The following ACTR3C variants were observed in gnomAD, a reference collection of about 807,000 sequenced individuals.
ACTR3C encodes the protein actin-related protein 3C.
ACTR3C carries 18 observed loss-of-function variants against 26.3 expected under a neutral mutation model. The observed-to-expected ratio is 0.68, with a 90% confidence interval of 0.47 to 1.01. The LOEUF (loss-of-function observed/expected upper bound fraction) is 1.01. Among genes scored for constraint, ACTR3C ranks in the 50% least tolerant of loss-of-function variants. ACTR3C has a pLI of 0.00. For missense variants in ACTR3C, 184 were observed against 250.7 expected (o/e 0.73, Z 1.80); for synonymous variants, 55 against 94.5 (o/e 0.58, Z 2.42).
the ACTR3C span, among the ~76,000 whole-genome samples, chr7:150,217,032 G>GC: frequency 5.4e-4 from 80 of 147,292 alleles, no homozygotes; most frequent in African/African-American, 2.0e-3. Context: ...TAAAGCACAT[G>GC]CCTCCCCTTA....
At chr7:150,185,527 A>T in the ACTR3C span, among the ~76,000 whole-genome samples, 1 of 152,168 alleles carries the variant, frequency 6.6e-6, no homozygotes, top group African/African-American at 2.4e-5. Flanking sequence ...GGAATGATAC[A>T]CTGTGATTCT....
intron 1 of ACTR3C, among the ~76,000 whole-genome samples, chr7:150,304,927 G>A (rs1278679395): frequency 9.2e-5 from 14 of 152,150 alleles, no homozygotes; most frequent in Admixed American, 2.6e-4. Flanking sequence ...TGTCTGCCCG[G>A]GCTCCTTAAC....
chr7:150,015,831 G>A, the ACTR3C span, among the ~76,000 whole-genome samples: 34 of 152,346 alleles, frequency 2.2e-4, no homozygotes, highest in African/African-American at 6.3e-4. Context: ...AGGAAAGGGT[G>A]ACTACATGTC....
At chr7:149,915,167 C>T in the ACTR3C span, among the ~76,000 whole-genome samples, 8 of 151,990 alleles carry the variant, frequency 5.3e-5, no homozygotes, top group South Asian at 2.1e-4. Context: ...TGAGCCACCG[C>T]GCATGGCAAA....
the ACTR3C span, among the ~76,000 whole-genome samples, chr7:150,130,210 T>C: frequency 6.6e-6 from 1 of 152,168 alleles, no homozygotes; most frequent in Admixed American, 6.5e-5. Flanking sequence ...AAATTAAAAC[T>C]ATAAAATTTC....
At chr7:149,975,624 C>T in the ACTR3C span, among the ~76,000 whole-genome samples, 1 of 152,122 alleles carries the variant, frequency 6.6e-6, no homozygotes, top group Non-Finnish European at 1.5e-5. Flanking sequence ...CGTTCTCATG[C>T]TGCTATGAAG....
At chr7:149,887,939 C>T in the ACTR3C span, among the ~76,000 whole-genome samples, 15 of 152,296 alleles carry the variant, frequency 9.8e-5, no homozygotes, top group Admixed American at 7.2e-4. Flanking sequence ...TGCCTTTTGC[C>T]TCCTGCCATG....
chr7:149,906,643 G>A, the ACTR3C span, among the ~76,000 whole-genome samples: 131 of 145,570 alleles, frequency 9.0e-4, 1 homozygote, highest in Non-Finnish European at 1.4e-3. Flanking sequence ...TTTTGGCCAG[G>A]CTGGTCTCAA....
At chr7:150,010,304 G>T in the ACTR3C span, among the ~76,000 whole-genome samples, 2 of 152,170 alleles carry the variant, frequency 1.3e-5, no homozygotes, top group South Asian at 2.1e-4. Flanking sequence ...ATTCTCAGCA[G>T]CCACATCCCA....
chr7:150,066,149 CATACACACACACAA>C, the ACTR3C span, among the ~76,000 whole-genome samples: 6 of 152,172 alleles, frequency 3.9e-5, no homozygotes, highest in Non-Finnish European at 1.5e-5. Context: ...CATACACACA[CATACACACACACAA>C]AGGAAGGAAA....
chr7:150,313,846 A>G (rs562293945), intron 1 of ACTR3C, among the ~76,000 whole-genome samples: 2 of 152,254 alleles, frequency 1.3e-5, no homozygotes, highest in East Asian at 1.9e-4. Context: ...CTACCTGGAG[A>G]CCTGCCTGGA....
At chr7:149,911,166 C>A in the ACTR3C span, among the ~76,000 whole-genome samples, 1 of 151,582 alleles carries the variant, frequency 6.6e-6, no homozygotes, top group East Asian at 1.9e-4. Flanking sequence ...CAGATCCTTC[C>A]CAATTTTAAC....
chr7:149,883,766 A>G, the ACTR3C span, among the ~76,000 whole-genome samples: 1 of 152,158 alleles, frequency 6.6e-6, no homozygotes, highest in South Asian at 2.1e-4. Context: ...CCCTTCAGGA[A>G]TATTTCATAG....
the ACTR3C span, among the ~76,000 whole-genome samples, chr7:150,031,726 G>A: frequency 1.3e-5 from 2 of 152,092 alleles, no homozygotes; most frequent in Middle Eastern, 3.2e-3. Flanking sequence ...TTCTGCTCTC[G>A]GGGGTGGGGG....
chr7:149,948,457 G>A, the ACTR3C span, among the ~76,000 whole-genome samples: 5 of 150,852 alleles, frequency 3.3e-5, no homozygotes, highest in East Asian at 1.9e-4. Flanking sequence ...ACGGTCACAC[G>A]TCAGAAAGCA....
chr7:150,132,383 C>T, the ACTR3C span, among the ~76,000 whole-genome samples: 1 of 152,118 alleles, frequency 6.6e-6, no homozygotes, highest in Non-Finnish European at 1.5e-5. Flanking sequence ...TATCCACAAT[C>T]TACAATGAAT....
At chr7:149,988,075 G>A in the ACTR3C span, among the ~76,000 whole-genome samples, 2 of 152,188 alleles carry the variant, frequency 1.3e-5, no homozygotes, top group African/African-American at 4.8e-5. Flanking sequence ...TGGTGGTAAC[G>A]TATATTTCAA....
chr7:150,154,794 C>T, the ACTR3C span, among the ~76,000 whole-genome samples: 30,685 of 151,490 alleles, frequency 0.2, 3,651 homozygotes, highest in African/African-American at 0.34. Flanking sequence ...GAACTGGGTT[C>T]GGAGAGTCTT....
the ACTR3C span, among the ~76,000 whole-genome samples, chr7:150,107,390 G>A: frequency 6.6e-6 from 1 of 151,892 alleles, no homozygotes; most frequent in Non-Finnish European, 1.5e-5. Flanking sequence ...AAGAAGATGG[G>A]ATCAATCTTG....
Sources: gnomAD v4.1 joint callset for allele counts (sites outside exome capture counted in the v4.1 genomes callset) on GRCh38, gnomAD v4.1.1 for gene constraint, MANE v1.5 for transcripts, NCBI Gene and HGNC (gene_info 2026-07-23, HGNC 2026-07-21) for gene names.